Variants in KIAA0825 observed in about 807,000 individuals in gnomAD.
KIAA0825 encodes KIAA0825, also known as uncharacterized protein KIAA0825.
In KIAA0825, 119 loss-of-function variants were observed where a neutral mutation model predicts 147.6. The observed-to-expected ratio is 0.81, with a 90% CI of 0.69 to 0.94. The LOEUF (loss-of-function observed/expected upper bound fraction) is 0.94, where lower values mean the gene tolerates loss of function less well. Among genes scored for constraint, KIAA0825 ranks in the 40% least tolerant of loss-of-function variants. The pLI is 0.00. For missense variants in KIAA0825, 1,381 were observed against 1,472.7 expected (o/e 0.94, Z 1.02); for synonymous variants, 470 against 518.1 (o/e 0.91, Z 1.26).
chr5:94,321,670 G>T (rs1375173188), intron 20 of KIAA0825, among the ~76,000 whole-genome samples: 2 of 151,914 alleles, frequency 1.3e-5, no homozygotes, highest in African/African-American at 2.4e-5. Flanking sequence ...TCATTGATGG[G>T]AAGTTTTTCC....
intron 20 of KIAA0825, among the ~76,000 whole-genome samples, chr5:94,227,864 C>A (rs1236467509): frequency 6.6e-6 from 1 of 151,032 alleles, no homozygotes; most frequent in Admixed American, 6.6e-5. Context: ...AGGAGAAATG[C>A]CTACTGTAAG....
chr5:94,572,137 G>T (rs890383317), intron 2 of KIAA0825, among the ~76,000 whole-genome samples: 1 of 150,990 alleles, frequency 6.6e-6, no homozygotes, highest in Non-Finnish European at 1.5e-5. Context: ...AACCAAGTTT[G>T]GACTATATTC....
At chr5:94,209,511 C>T (rs1010770054) in intron 20 of KIAA0825, among the ~76,000 whole-genome samples, 33 of 152,186 alleles carry the variant, frequency 2.2e-4, no homozygotes, top group African/African-American at 7.5e-4. Context: ...GGAGGACTTA[C>T]ATGTAGCTGA....
chr5:94,357,654 C>T (rs569274866), intron 20 of KIAA0825, among the ~76,000 whole-genome samples: 7 of 152,280 alleles, frequency 4.6e-5, no homozygotes, highest in Admixed American at 6.5e-5. Context: ...TGTGACTCTG[C>T]GGTTGATTAA....
chr5:94,577,131 C>T (rs534655493), intron 2 of KIAA0825, among the ~76,000 whole-genome samples: 6 of 152,036 alleles, frequency 3.9e-5, no homozygotes, highest in Admixed American at 3.9e-4. Flanking sequence ...AAGTTGATTT[C>T]AGCATCTATA....
At chr5:94,600,311 G>C (rs753885655) in intron 1 of KIAA0825, among the ~76,000 whole-genome samples, 3 of 151,768 alleles carry the variant, frequency 2.0e-5, no homozygotes, top group Non-Finnish European at 4.4e-5. Context: ...CATCAGTGGG[G>C]ATATTTCCTT....
At chr5:94,458,149 T>C (rs549434361) in intron 12 of KIAA0825, among the ~76,000 whole-genome samples, 1 of 152,314 alleles carries the variant, frequency 6.6e-6, no homozygotes, top group East Asian at 1.9e-4. Flanking sequence ...TCTAAGTAGC[T>C]ACTTCACTTT....
intron 20 of KIAA0825, among the ~76,000 whole-genome samples, chr5:94,285,117 T>G (rs929250524): frequency 6.6e-6 from 1 of 152,250 alleles, no homozygotes; most frequent in East Asian, 1.9e-4. Context: ...CAAAGCTGTA[T>G]GTGTAATTTA....
chr5:94,227,139 A>T (rs145300046), intron 20 of KIAA0825, among the ~76,000 whole-genome samples: 2 of 152,234 alleles, frequency 1.3e-5, no homozygotes, highest in African/African-American at 4.8e-5. Context: ...AAAGATTTGG[A>T]ACCAACCCAA....
intron 20 of KIAA0825, among the ~76,000 whole-genome samples, chr5:94,276,552 G>A (rs548642194): frequency 3.3e-5 from 5 of 152,022 alleles, no homozygotes; most frequent in African/African-American, 9.6e-5. Context: ...AGATGGGGGC[G>A]TACCAAAAAA....
rs551206627 is a variant in KIAA0825, at chr5:94,528,971, T to TA, written c.132-4874dup. Among the ~76,000 whole-genome samples, 1,048 of 150,918 alleles carry TA rather than the reference T, an allele frequency of 6.9e-3. 7 individuals are homozygous for TA. Among genetic ancestry groups the TA allele is most frequent in the African/African-American group, 0.024 (998 of 41,190 alleles). Reference sequence around the variant, plus strand: ...TTCTCTTTTTGGAGAAAGAGACAGTTAAAAAAAAGAGAGTGGGAGAATGTA... The same window carrying TA: ...TTCTCTTTTTGGAGAAAGAGACAGTTAAAAAAAAAGAGAGTGGGAGAATGTA... On this transcript the variant is annotated intron_variant, in intron 3 of 20. Transcript: ENST00000682413.
chr5:94,281,870 T>C (rs1287762288), intron 20 of KIAA0825, among the ~76,000 whole-genome samples: 1 of 152,062 alleles, frequency 6.6e-6, no homozygotes, highest in Non-Finnish European at 1.5e-5. Flanking sequence ...TGTTTTGCTA[T>C]TTTTCTCTCT....
At chr5:94,288,170 T>C (rs1463331112) in intron 20 of KIAA0825, among the ~76,000 whole-genome samples, 1 of 152,126 alleles carries the variant, frequency 6.6e-6, no homozygotes, top group African/African-American at 2.4e-5. Flanking sequence ...GAGGGACCTG[T>C]AGCTGGAAGC....
At chr5:94,433,225 C>T (rs1755925311) in intron 14 of KIAA0825, among the ~76,000 whole-genome samples, 1 of 152,022 alleles carries the variant, frequency 6.6e-6, no homozygotes, top group African/African-American at 2.4e-5. Flanking sequence ...GATGGGGTTT[C>T]ACCGTGTTAG....
At chr5:94,158,763 A>G (rs1767275932) in intron 20 of KIAA0825, among the ~76,000 whole-genome samples, 1 of 152,156 alleles carries the variant, frequency 6.6e-6, no homozygotes, top group African/African-American at 2.4e-5. Flanking sequence ...ACCCAGATAA[A>G]ACAGTGCCTC....
chr5:94,267,951 G>A (rs1030808184), intron 20 of KIAA0825, among the ~76,000 whole-genome samples: 18 of 152,194 alleles, frequency 1.2e-4, no homozygotes, highest in African/African-American at 4.1e-4. Context: ...CCACACAGAC[G>A]TGGGATATAA....
intron 20 of KIAA0825, among the ~76,000 whole-genome samples, chr5:94,365,397 C>A (rs1475969896): frequency 6.6e-6 from 1 of 152,198 alleles, no homozygotes; most frequent in South Asian, 2.1e-4. Flanking sequence ...TAATACCAGT[C>A]TCTGAAGGCA....
At chr5:94,271,263 A>G (rs1246602585) in intron 20 of KIAA0825, among the ~76,000 whole-genome samples, 1 of 152,152 alleles carries the variant, frequency 6.6e-6, no homozygotes, top group Non-Finnish European at 1.5e-5. Context: ...AAAATGGACA[A>G]ATGGGATCAC....
chr5:94,461,702 A>T (rs1276746023), intron 12 of KIAA0825, among the ~76,000 whole-genome samples: 1 of 151,910 alleles, frequency 6.6e-6, no homozygotes, highest in Non-Finnish European at 1.5e-5. Context: ...GAAACACTTG[A>T]CCTAATTTAT....
Sources: allele counts gnomAD v4.1 joint callset (sites outside exome capture counted in the v4.1 genomes callset), GRCh38; gene constraint gnomAD v4.1.1; transcripts MANE v1.5; gene names NCBI Gene and HGNC (gene_info 2026-07-23, HGNC 2026-07-21).